The following PROC variants were observed in gnomAD, a reference collection of about 807,000 sequenced individuals.
PROC encodes protein C, inactivator of coagulation factors Va and VIIIa.
Under a neutral mutation model 36.3 loss-of-function variants are expected in PROC, and 22 were observed. The observed-to-expected ratio is 0.61, with a 90% CI of 0.43 to 0.86. The LOEUF (loss-of-function observed/expected upper bound fraction) is 0.86. Among genes scored for constraint, PROC ranks in the 40% least tolerant of loss-of-function variants. PROC has a pLI of 0.00. For synonymous variants in PROC, 218 were observed against 244.5 expected, an observed-to-expected ratio of 0.89 and a Z score of 1.01; for missense variants, 526 against 629.7, an observed-to-expected ratio of 0.84 and a Z score of 1.76.
At chr2:127,420,252 T>C (rs565199293) in intron 2 of PROC, among the ~76,000 whole-genome samples, 1 of 152,184 alleles carries the variant, frequency 6.6e-6, no homozygotes, top group East Asian at 1.9e-4. Context: ...CTCCTAAAGC[T>C]CCCTCCTCCA....
In PROC at chr2:127,423,274, A is replaced by C; in HGVS notation, c.401A>C (p.Glu134Ala). The part of the protein sequence containing the change: ...SGWEGRFCQR[E>A]VSFLNCSLDN... ...TGCCCGCGCCCTCCCCTGCCCGCAG[A>C]GGTGAGCTTCCTCAATTGCTCGCTG... The change falls in exon 6 of 9, where the codon GAG becomes GCG. Residue 134 changes from glutamate (E) to alanine (A), a missense_variant and splice_region_variant. Physicochemically the swap from Glu to Ala is moderately radical, Grantham distance 107. Coordinates refer to ENST00000234071, the MANE Select transcript of PROC (RefSeq NM_000312.4). 3 of 1,547,222 alleles carry C rather than the reference A, an allele frequency of 1.9e-6. No homozygotes were observed. The highest frequency in any genetic ancestry group is 2.6e-6 in the Non-Finnish European group (3 of 1,145,964).
At position 127,429,102 on chromosome 2, in the gene PROC, A is replaced by G. The variant is rs1470193080; in HGVS notation, c.*156A>G. ...TTACTGAGCACCTGTTGTATGTCACATGCCTTATGAATAGAATCTTAACTC... is the reference window on the plus strand; with the variant it reads ...TTACTGAGCACCTGTTGTATGTCACGTGCCTTATGAATAGAATCTTAACTC... On this transcript the variant is annotated 3_prime_UTR_variant, in exon 9 of 9. Coordinates refer to ENST00000234071, the MANE Select transcript of PROC (RefSeq NM_000312.4). 2 of 804,678 alleles carry G rather than the reference A, an allele frequency of 2.5e-6. No individual in the cohort carries two copies. The highest frequency in any genetic ancestry group is 4.0e-6 in the Non-Finnish European group (2 of 502,708). 49.8% of individuals were successfully genotyped at this position (804,678 alleles called of 1,614,324 possible).
chr2:127,422,823 T>A, intron 3 of PROC, 94 bp from the exon 4 acceptor site: 8 of 1,453,944 alleles, frequency 5.5e-6, no homozygotes, highest in Non-Finnish European at 7.5e-6. Flanking sequence ...AGCCCTCCCC[T>A]CCCCTGCCCG....
In PROC at chr2:127,418,531, G is replaced by C. The variant is rs1242051206; in HGVS notation, c.-22+39G>C. 2 of 1,287,300 alleles carry C rather than the reference G, an allele frequency of 1.6e-6. No homozygotes were observed. The highest frequency in any genetic ancestry group is 2.0e-6 in the Non-Finnish European group (2 of 986,582). 79.7% of individuals were successfully genotyped at this position (1,287,300 alleles called of 1,614,324 possible). A position where few individuals can be genotyped will look rare whatever the true frequency, so the allele number is the denominator to read the frequency against. ...CAGGCAGGTCTATGAGGGGTGTGGA[G>C]GGAGGGCTGCCCCCGGGAGAAGAGA... On this transcript the variant is annotated intron_variant, in intron 1 of 8. Transcript: ENST00000234071. The surrounding 1 kb of genome is among the most constrained non-coding windows in gnomAD (Gnocchi z 4.8).
At position 127,428,923 on chromosome 2, in the gene PROC, C is replaced by T. The variant is rs1688713945; in HGVS notation, c.1363C>T (p.Pro455Ser). The T allele has an allele frequency of 6.2e-7, 1 of 1,613,838 alleles. No homozygotes were observed. Among genetic ancestry groups the T allele is most frequent in the South Asian group, 1.1e-5 (1 of 91,092 alleles). Residue 455 changes from proline to serine, a missense_variant, in exon 9 of 9, where the codon CCC (proline) becomes TCC (serine). Pro to Ser is a moderately conservative substitution (Grantham distance 74). Coordinates refer to ENST00000234071, the MANE Select transcript of PROC (RefSeq NM_000312.4). ...IHGHIRDKEAPQKSWAP is the reference protein window; with the variant it reads ...IHGHIRDKEASQKSWAP ...TGGGCACATCAGAGACAAGGAAGCCCCCCAGAAGAGCTGGGCACCTTAGCG... is the reference window on the plus strand; with the variant it reads ...TGGGCACATCAGAGACAAGGAAGCCTCCCAGAAGAGCTGGGCACCTTAGCG...
At chr2:127,425,358 C>T (rs1442834453) in intron 6 of PROC, among the ~76,000 whole-genome samples, 1 of 152,230 alleles carries the variant, frequency 6.6e-6, no homozygotes, top group Non-Finnish European at 1.5e-5. Flanking sequence ...CGTCCCATTG[C>T]TCTTTTAAGT....
In PROC at chr2:127,428,364, T is replaced by C. The variant is rs1688660733; in HGVS notation, c.804T>C (p.Tyr268=). Residue 268 remains tyrosine (Y), a synonymous_variant, in exon 9 of 9, where the codon TAT becomes TAC. Transcript: ENST00000234071. ...SKKLLVRLGE[Y]DLRRWEKWEL... ...GTGCCCTCTGCCCTGCAGGAGAGTATGACCTGCGGCGCTGGGAGAAGTGGG... is the reference window on the plus strand; with the variant it reads ...GTGCCCTCTGCCCTGCAGGAGAGTACGACCTGCGGCGCTGGGAGAAGTGGG... 3 of 1,613,796 alleles carry C rather than the reference T, an allele frequency of 1.9e-6. No homozygotes were observed. The highest frequency in any genetic ancestry group is 2.2e-5 in the South Asian group (2 of 91,088).
chr2:127,427,715 G>T (rs1005641313), intron 8 of PROC, among the ~76,000 whole-genome samples: 2 of 152,216 alleles, frequency 1.3e-5, no homozygotes, highest in African/African-American at 2.4e-5. Flanking sequence ...ATTTCTGGAG[G>T]GGGGGTCTGG....
chr2:127,428,331 C>T (rs1198700474), intron 8 of PROC, 26 bp from the exon 9 acceptor site: 1 of 1,610,676 alleles, frequency 6.2e-7, no homozygotes, highest in East Asian at 2.2e-5. Context: ...CCGCAGCCCA[C>T]TCTGACTGTG....
Position 127,429,175 on chromosome 2 carries a change from G to T in PROC, c.*229G>T. ...GGAGGAGCAGATCCAAGTTTTGCGG[G>T]GTCTAAAGCTGTGTGTGTTGAGGGG... On this transcript the variant is annotated 3_prime_UTR_variant, in exon 9 of 9. Coordinates refer to ENST00000234071, the MANE Select transcript of PROC (RefSeq NM_000312.4). 1.7e-6 allele frequency: 1 copy of T among 580,404 alleles called. No homozygotes were observed. Among genetic ancestry groups the T allele is most frequent in the Admixed American group, 3.0e-5 (1 of 32,912 alleles). The allele number at this position is 580,404 out of a possible 1,614,324, so 36.0% of individuals were successfully genotyped here.
chr2:127,426,308 CAGAAACCGAGA>C lies in PROC; in HGVS notation c.678+82_678+92del, dbSNP rs1688495183. On this transcript the variant is annotated intron_variant, in intron 7 of 8. Transcript: ENST00000234071. This position sits in a 1 kb window ranked among gnomAD's most constrained non-coding sequence, Gnocchi z 7.0. ...CATCCTGGCAGCTATGCTCAGGGTG[CAGAAACCGAGA>C]GGGAAGCGCTGCCATTGCGTTTGGG... is the stretch of plus-strand genomic sequence containing the variant. 5.0e-6 allele frequency: 8 copies of C among 1,586,314 alleles called. No homozygotes were observed. The highest frequency in any genetic ancestry group is 6.9e-6 in the Non-Finnish European group (8 of 1,157,286).
At chr2:127,421,130 G>A (rs962277704) in intron 2 of PROC, among the ~76,000 whole-genome samples, 153 bp from the exon 3 acceptor site, 4 of 152,192 alleles carry the variant, frequency 2.6e-5, no homozygotes, top group South Asian at 2.1e-4. Flanking sequence ...GGACCCCTGC[G>A]CCAAGCCATG....
rs1324719747 is a variant in PROC, at chr2:127,426,093, C to T, written c.544C>T (p.Pro182Ser). 3 of 1,614,060 alleles carry T rather than the reference C, an allele frequency of 1.9e-6. No homozygotes were observed. The highest frequency in any genetic ancestry group is 2.5e-6 in the Non-Finnish European group (3 of 1,180,012). ...ACCTCTGCCTACCTCAGTGAAGTTC[C>T]CTTGTGGGAGGCCCTGGAAGCGGAT... is the stretch of plus-strand genomic sequence containing the variant. ...LLQCHPAVKF[P>S]CGRPWKRMEK... The change falls in exon 7 of 9, where the codon CCT (proline) becomes TCT (serine). Residue 182 changes from proline to serine, a missense_variant. Coordinates refer to ENST00000234071, the MANE Select transcript of PROC (RefSeq NM_000312.4). This position sits in a 1 kb window ranked among gnomAD's most constrained non-coding sequence, Gnocchi z 7.0.
chr2:127,428,079 C>T (rs1167590027), intron 8 of PROC, among the ~76,000 whole-genome samples: 4 of 152,242 alleles, frequency 2.6e-5, no homozygotes, highest in Non-Finnish European at 5.9e-5. Flanking sequence ...TCTCACGGCT[C>T]CGTGACTCCT....
At chr2:127,422,379 C>T (rs1573439938) in intron 3 of PROC, among the ~76,000 whole-genome samples, 1 of 152,266 alleles carries the variant, frequency 6.6e-6, no homozygotes, top group Admixed American at 6.5e-5. Flanking sequence ...ATGGAGCAGG[C>T]ATCAGGCACA....
At chr2:127,424,070 C>G (rs553112411) in intron 6 of PROC, among the ~76,000 whole-genome samples, 1 of 152,236 alleles carries the variant, frequency 6.6e-6, no homozygotes, top group African/African-American at 2.4e-5. Flanking sequence ...ATTTCTTCTA[C>G]AATCTCCCCT....
Position 127,428,858 on chromosome 2 carries a change from G to A in PROC, c.1298G>A (p.Gly433Asp), listed in dbSNP as rs750931702. ...GGCTGTGGGCTCCTTCACAACTACG[G>A]CGTTTACACCAAAGTCAGCCGCTAC... ...GEGCGLLHNY[G>D]VYTKVSRYLD... Residue 433 changes from glycine to aspartate, a missense_variant, in exon 9 of 9, where the codon GGC (glycine) becomes GAC (aspartate). Gly to Asp is a moderately conservative substitution (Grantham distance 94, BLOSUM62 -1). Coordinates refer to ENST00000234071, the MANE Select transcript of PROC (RefSeq NM_000312.4). 8.1e-6 allele frequency: 13 copies of A among 1,613,496 alleles called. No homozygotes were observed. Among genetic ancestry groups the A allele is most frequent in the Non-Finnish European group, 1.0e-5 (12 of 1,179,868 alleles).
chr2:127,420,051 C>T (rs771809748), intron 2 of PROC, 39 bp downstream of exon 2: 6 of 1,601,954 alleles, frequency 3.7e-6, no homozygotes, highest in Non-Finnish European at 5.1e-6. Context: ...CCCTTGTGGC[C>T]TCTACAAGGC....
chr2:127,423,235 G>A (rs1230232097), intron 5 of PROC, 39 bp from the exon 6 acceptor site: 1 of 1,531,264 alleles, frequency 6.5e-7, no homozygotes, highest in Non-Finnish European at 8.8e-7. Context: ...TGGGGGCGCG[G>A]CACCAGCACC....
Sources: gnomAD v4.1 joint callset for allele counts (sites outside exome capture counted in the v4.1 genomes callset) on GRCh38, gnomAD v4.1.1 for gene constraint, Gnocchi (gnomAD v3.1) non-coding constraint, MANE v1.5 for transcripts, NCBI Gene and HGNC (gene_info 2026-07-23, HGNC 2026-07-21) for gene names.